Variants in ARHGAP36 observed in about 807,000 individuals in gnomAD.
ARHGAP36 encodes the protein Rho GTPase activating protein 36, also known as rho GTPase-activating protein 36.
ARHGAP36 carries 7 observed loss-of-function variants against 32.9 expected under a neutral mutation model. The ratio of observed to expected loss-of-function variants is 0.21; its 90% CI spans 0.12 to 0.40. ARHGAP36 has a LOEUF of 0.40. ARHGAP36 is among the 10% of genes least tolerant of loss of function. The pLI is 1.00. For missense variants in ARHGAP36, 383 were observed against 442.2 expected, an observed-to-expected ratio of 0.87 and a Z score of 1.20; for synonymous variants, 165 against 168.3, an observed-to-expected ratio of 0.98 and a Z score of 0.15.
chrX:131,075,537 AAC>A (rs58291989), intron 1 of ARHGAP36, among the ~76,000 whole-genome samples: 1,188 of 108,869 alleles, frequency 0.011, 13 homozygotes, highest in African/African-American at 0.038. Context: ...TTTTTCCAAA[AAC>A]ATATATATAC....
intron 3 of ARHGAP36, among the ~76,000 whole-genome samples, chrX:131,083,456 C>G (rs751449731): frequency 4.5e-5 from 5 of 112,138 alleles, no homozygotes; most frequent in African/African-American, 1.6e-4. Flanking sequence ...CAGATCAACC[C>G]GAAGAAATCG....
At chrX:131,074,831 G>A (rs1489650244) in intron 1 of ARHGAP36, among the ~76,000 whole-genome samples, 1 of 111,707 alleles carries the variant, frequency 9.0e-6, no homozygotes, top group Non-Finnish European at 1.9e-5. Context: ...ACTGTGCCAA[G>A]GAAGCCAAAG....
chrX:131,066,675 A>G (rs1179210183), intron 1 of ARHGAP36, among the ~76,000 whole-genome samples: 1 of 112,148 alleles, frequency 8.9e-6, no homozygotes, highest in Non-Finnish European at 1.9e-5. Context: ...GACTCTTAGT[A>G]AAGCCACCTG....
At chrX:131,084,720 G>T in intron 6 of ARHGAP36, 39 bp downstream of exon 6, 1 of 1,203,757 alleles carries the variant, frequency 8.3e-7, no homozygotes, top group Non-Finnish European at 1.1e-6. Context: ...CCTCCAATAA[G>T]AAAGAGCAGG....
chrX:131,070,432 G>A (rs1005868106), intron 1 of ARHGAP36, among the ~76,000 whole-genome samples: 20 of 111,694 alleles, frequency 1.8e-4, no homozygotes, highest in African/African-American at 5.2e-4. Flanking sequence ...GTGATAGAAC[G>A]TCTATATTCA....
chrX:131,075,545 T>A (rs2079757183), intron 1 of ARHGAP36, among the ~76,000 whole-genome samples: 1 of 109,015 alleles, frequency 9.2e-6, no homozygotes, highest in Non-Finnish European at 1.9e-5. Flanking sequence ...AAAACATATA[T>A]ATACTCTTCC....
chrX:131,065,554 G>C (rs2079693796), intron 1 of ARHGAP36, among the ~76,000 whole-genome samples: 1 of 111,186 alleles, frequency 9.0e-6, no homozygotes, highest in South Asian at 3.9e-4. Flanking sequence ...GAGACCAGAT[G>C]CTGGGAGATA....
intron 2 of ARHGAP36, 91 bp from the exon 3 acceptor site, chrX:131,083,074 T>C: frequency 7.7e-6 from 7 of 910,318 alleles, no homozygotes; most frequent in Admixed American, 2.7e-5. Context: ...TGCCGCTCCC[T>C]CCCCCTGCTG....
At chrX:131,082,187 G>A (rs781368504) in intron 2 of ARHGAP36, among the ~76,000 whole-genome samples, 3 of 112,532 alleles carry the variant, frequency 2.7e-5, no homozygotes, top group Admixed American at 9.3e-5. Flanking sequence ...GGACAGACAA[G>A]TGGACAGAGG....
At chrX:131,059,639 A>G (rs1399771496) in intron 1 of ARHGAP36, among the ~76,000 whole-genome samples, 1 of 112,325 alleles carries the variant, frequency 8.9e-6, no homozygotes, top group East Asian at 2.8e-4. Flanking sequence ...CAGTTCAAGT[A>G]CAGCCTCAGG....
At position 131,084,644 on chromosome X, in the gene ARHGAP36, T is replaced by C. The variant is rs745425289; in HGVS notation, c.767T>C (p.Ile256Thr). 3.3e-6 allele frequency: 4 copies of C among 1,210,217 alleles called. No individual in the cohort carries two copies. The highest frequency in any genetic ancestry group is 4.5e-6 in the Non-Finnish European group (4 of 895,238). ...CTTTCAGGCTTAAGCGCAGTGGGGA[T>C]TTTTACCCTTGAATACTCCGTGCAG... is the stretch of plus-strand genomic sequence containing the variant. ...IEKHGLSAVG[I>T]FTLEYSVQRV... is the part of the protein sequence containing the mutation. Residue 256 changes from isoleucine (I) to threonine (T), a missense_variant, in exon 6 of 12, where the codon ATT becomes ACT. This residue lies in a region of ARHGAP36 where 227 missense variants were observed against 311.3 expected (regional missense o/e 0.73). Coordinates refer to ENST00000276211, the MANE Select transcript of ARHGAP36 (RefSeq NM_144967.4).
intron 1 of ARHGAP36, among the ~76,000 whole-genome samples, chrX:131,063,667 C>G (rs1001929352): frequency 1.3e-4 from 14 of 110,270 alleles, no homozygotes; most frequent in African/African-American, 4.6e-4. Context: ...ATCTCAATAC[C>G]TCTCTACTCT....
Position 131,086,356 on chromosome X carries a change from G to A in ARHGAP36, c.1309G>A (p.Ala437Thr). Residue 437 changes from alanine to threonine, a missense_variant, in exon 10 of 12, where the codon GCT (alanine) becomes ACT (threonine). Around this residue, in one of 2 missense-constraint regions of ARHGAP36, gnomAD observed 227 missense variants for 311.3 expected, o/e 0.73. Coordinates refer to ENST00000276211, the MANE Select transcript of ARHGAP36 (RefSeq NM_144967.4). ...GCCTCCCCATATTCAGAGGCAGGTT[G>A]CTAAGCGCGTGTGGAAGTCCAGCCC... ...QVPPHIQRQV[A>T]KRVWKSSPEA... is the part of the protein sequence containing the mutation. 3 of 1,211,973 alleles carry A rather than the reference G, an allele frequency of 2.5e-6. No homozygotes were observed. The highest frequency in any genetic ancestry group is 3.3e-6 in the Non-Finnish European group (3 of 895,571).
chrX:131,076,339 T>C (rs2079762805), intron 1 of ARHGAP36, among the ~76,000 whole-genome samples: 1 of 112,511 alleles, frequency 8.9e-6, no homozygotes, highest in African/African-American at 3.2e-5. Flanking sequence ...TGCACCCTGA[T>C]ACATATTGCA....
At chrX:131,084,093 G>A in intron 4 of ARHGAP36, 122 bp from the exon 5 acceptor site, 1 of 1,033,261 alleles carries the variant, frequency 9.7e-7, no homozygotes, top group Non-Finnish European at 1.3e-6. Context: ...TGTTGAAGTG[G>A]TGTCCTTGGC....
Position 131,081,580 on chromosome X carries a change from C to T in ARHGAP36, c.-86C>T. 2 of 735,191 alleles carry T rather than the reference C, an allele frequency of 2.7e-6. No individual in the cohort carries two copies. Among genetic ancestry groups the T allele is most frequent in the South Asian group, 2.9e-5 (1 of 34,192 alleles). 60.6% of individuals were successfully genotyped at this position (735,191 alleles called of 1,213,427 possible). The stretch of plus-strand genomic sequence containing the variant: ...GTGAAGCCGCCTCCCAGTTTTCCCT[C>T]CCCCTCTACCCCCACCCCCATAGTT... On this transcript the variant is annotated 5_prime_UTR_variant, in exon 2 of 12. Transcript: ENST00000276211.
intron 2 of ARHGAP36, among the ~76,000 whole-genome samples, chrX:131,082,379 G>A (rs1043462621): frequency 8.9e-6 from 1 of 112,837 alleles, no homozygotes; most frequent in Non-Finnish European, 1.9e-5. Context: ...GGCGGTGAAC[G>A]GGAGGGCGGT....
At position 131,088,938 on chromosome X, in the gene ARHGAP36, A is replaced by T; in HGVS notation, c.*153A>T. ...TCGGGTCAGGATGAGAATTCCAAACACACTGCCAGCCCCTTCACTGGGGAT... is the reference window on the plus strand; with the variant it reads ...TCGGGTCAGGATGAGAATTCCAAACTCACTGCCAGCCCCTTCACTGGGGAT... On this transcript the variant is annotated 3_prime_UTR_variant, in exon 12 of 12. Coordinates refer to ENST00000276211, the MANE Select transcript of ARHGAP36 (RefSeq NM_144967.4). 1.3e-6 allele frequency: 1 copy of T among 782,868 alleles called. No homozygotes were observed. The allele number at this position is 782,868 out of a possible 1,213,427, so 64.5% of individuals were successfully genotyped here.
rs769923361 is a variant in ARHGAP36, at chrX:131,085,925, C to T, written c.1117C>T (p.Arg373Cys). 4 of 1,211,281 alleles carry T rather than the reference C, an allele frequency of 3.3e-6. No individual in the cohort carries two copies. The highest frequency in any genetic ancestry group is 3.5e-5 in the African/African-American group (2 of 57,784). ...GIDGQLVPGN[R>C]MTSTNLALVF... ...TTCCTTTGCCTAGGTCCCAGGCAACCGTATGACTTCCACTAACTTGGCCTT... is the reference window on the plus strand; with the variant it reads ...TTCCTTTGCCTAGGTCCCAGGCAACTGTATGACTTCCACTAACTTGGCCTT... The change falls in exon 9 of 12, where the codon CGT becomes TGT. Residue 373 changes from arginine (R) to cysteine (C), a missense_variant. Physicochemically the swap from Arg to Cys is radical, Grantham distance 180. Transcript: ENST00000276211.
Sources: allele counts gnomAD v4.1 joint callset (sites outside exome capture counted in the v4.1 genomes callset), GRCh38; gene constraint gnomAD v4.1.1; regional missense constraint gnomAD v4.1.1; transcripts MANE v1.5; gene names NCBI Gene and HGNC (gene_info 2026-07-23, HGNC 2026-07-21).